Variants in CHD1L observed in about 807,000 individuals in gnomAD.
The protein encoded by CHD1L is chromodomain helicase DNA binding protein 1 like.
CHD1L carries 118 observed loss-of-function variants against 115.9 expected under a neutral mutation model. The ratio of observed to expected loss-of-function variants is 1.02; its 90% CI spans 0.88 to 1.19. The LOEUF (loss-of-function observed/expected upper bound fraction) is 1.19, where lower values mean the gene tolerates loss of function less well. Among genes scored for constraint, CHD1L ranks in the 50% most tolerant of loss-of-function variants. The pLI is 0.00. For missense variants in CHD1L, 1,179 were observed against 1,065.3 expected (o/e 1.11, Z -1.49); for synonymous variants, 411 against 387.1 (o/e 1.06, Z -0.72).
chr1:147,178,288 C>T, the CHD1L span: 6,085 of 1,613,300 alleles, frequency 3.8e-3, 190 homozygotes, highest in African/African-American at 0.069. Flanking sequence ...CTGGTGTGGA[C>T]ACTGCAAGAG....
chr1:147,178,524 G>A, the CHD1L span: 2 of 1,611,276 alleles, frequency 1.2e-6, no homozygotes, highest in South Asian at 1.1e-5. Flanking sequence ...CAGCTTCAGT[G>A]CCTCTCAGGA....
In CHD1L at chr1:147,289,539, G is replaced by A. The variant is rs782276439; in HGVS notation, c.2320+1806G>A. Reference sequence around the variant, plus strand: ...GACTTAAGGCCTGAGGGCTCAGGAAGGAAATGGAGATGAGAGTGTGCAGTT... The same window carrying A: ...GACTTAAGGCCTGAGGGCTCAGGAAAGAAATGGAGATGAGAGTGTGCAGTT... On this transcript the variant is annotated intron_variant, in intron 19 of 22. Coordinates refer to ENST00000369258, the MANE Select transcript of CHD1L (RefSeq NM_004284.6). Among the ~76,000 whole-genome samples the A allele has an allele frequency of 5.9e-4, 90 of 152,286 alleles. 1 individual carries two copies. Among genetic ancestry groups the A allele is most frequent in the Non-Finnish European group, 3.1e-4 (21 of 68,024 alleles).
At chr1:147,265,885 G>A (rs1249243888) in intron 7 of CHD1L, 47 bp from the exon 8 acceptor site, 1 of 1,553,292 alleles carries the variant, frequency 6.4e-7, no homozygotes, top group Non-Finnish European at 8.7e-7. Context: ...TCATTGCCTT[G>A]GTTCTACTTT....
chr1:147,283,656 T>G (rs1681846547), intron 15 of CHD1L, among the ~76,000 whole-genome samples: 1 of 152,218 alleles, frequency 6.6e-6, no homozygotes, highest in South Asian at 2.1e-4. Context: ...CACTATTGTC[T>G]TCATTGTTAT....
the CHD1L span, among the ~76,000 whole-genome samples, chr1:147,198,850 C>CAAAAAAAAAA: frequency 7.6e-4 from 39 of 51,650 alleles, no homozygotes; most frequent in Non-Finnish European, 8.4e-4. Flanking sequence ...GACTGCATCT[C>CAAAAAAAAAA]AAAAAAAAAA....
At chr1:147,277,710 G>C (rs74121883) in intron 14 of CHD1L, among the ~76,000 whole-genome samples, 2 of 152,158 alleles carry the variant, frequency 1.3e-5, no homozygotes, top group Non-Finnish European at 2.9e-5. Context: ...TGAGATGAAA[G>C]CTTGAGAGAG....
intron 10 of CHD1L, among the ~76,000 whole-genome samples, chr1:147,269,700 T>C (rs1553951442): frequency 1.3e-5 from 2 of 148,356 alleles, no homozygotes; most frequent in African/African-American, 5.0e-5. Flanking sequence ...CCAGGTTCAG[T>C]TAGTGTTCAA....
chr1:147,295,374 T>C lies in CHD1L; in HGVS notation c.2616-57T>C. On this transcript the variant is annotated intron_variant, in intron 22 of 22. Coordinates refer to ENST00000369258, the MANE Select transcript of CHD1L (RefSeq NM_004284.6). Reference sequence around the variant, plus strand: ...TCAATAATTACTAGAGAACTAGTCGTTTTGGTAAAGTTGGTTTAAAGTGAT... The same window carrying C: ...TCAATAATTACTAGAGAACTAGTCGCTTTGGTAAAGTTGGTTTAAAGTGAT... 3.4e-6 allele frequency: 4 copies of C among 1,165,578 alleles called. No homozygotes were observed. In the South Asian group the frequency reaches 5.0e-5, roughly 15 times the overall value. The allele number at this position is 1,165,578 out of a possible 1,614,324, so 72.2% of individuals were successfully genotyped here.
At chr1:147,199,484 AT>A in the CHD1L span, among the ~76,000 whole-genome samples, 1 of 152,082 alleles carries the variant, frequency 6.6e-6, no homozygotes, top group Non-Finnish European at 1.5e-5. Flanking sequence ...CTTTTTGTAC[AT>A]TTTCCCTAAG....
chr1:147,213,277 C>T, the CHD1L span: 67 of 1,579,508 alleles, frequency 4.2e-5, no homozygotes, highest in Non-Finnish European at 5.5e-5. Context: ...AGGCATGGGT[C>T]AAGGGTCTTC....
chr1:147,252,444 A>G (rs1668695361), intron 1 of CHD1L, among the ~76,000 whole-genome samples, 179 bp from the exon 2 acceptor site: 1 of 152,200 alleles, frequency 6.6e-6, no homozygotes, highest in African/African-American at 2.4e-5. Context: ...GTCTGCTCAA[A>G]AAGTAGTTTG....
intron 1 of CHD1L, among the ~76,000 whole-genome samples, chr1:147,244,980 C>T (rs1368374000): frequency 6.6e-6 from 1 of 152,086 alleles, no homozygotes; most frequent in African/African-American, 2.4e-5. Flanking sequence ...AATATGCTAT[C>T]GTATTGTTTA....
intron 6 of CHD1L, 175 bp downstream of exon 6, chr1:147,260,093 C>A: frequency 2.0e-6 from 1 of 489,966 alleles, no homozygotes; most frequent in South Asian, 3.3e-5. Flanking sequence ...TACAGCTTCA[C>A]CCATTATCAA....
In CHD1L at chr1:147,259,834, C is replaced by T. The variant is rs1553942704; in HGVS notation, c.495-3C>T. On this transcript the variant is annotated splice_polypyrimidine_tract_variant and splice_region_variant and intron_variant, in intron 5 of 22. Transcript: ENST00000369258. ...AACTGAAAGCTTGGGTTTTCTCTCA[C>T]AGATTCCCTTGGAGTGTTCTTGTTG... 1.2e-6 allele frequency: 2 copies of T among 1,611,628 alleles called. No homozygotes were observed. The highest frequency in any genetic ancestry group is 8.5e-7 in the Non-Finnish European group (1 of 1,178,782).
chr1:147,178,716 T>TG, the CHD1L span: 1 of 1,569,980 alleles, frequency 6.4e-7, no homozygotes. Flanking sequence ...ATAACGGAGA[T>TG]GGTATCATCT....
At chr1:147,228,829 T>A in the CHD1L span, among the ~76,000 whole-genome samples, 27 of 152,290 alleles carry the variant, frequency 1.8e-4, no homozygotes, top group South Asian at 5.4e-3. Flanking sequence ...GTCTCTTCAT[T>A]TCCTTTGCCC....
chr1:147,187,565 AT>A, the CHD1L span, among the ~76,000 whole-genome samples: 1 of 152,190 alleles, frequency 6.6e-6, no homozygotes, highest in Non-Finnish European at 1.5e-5. Flanking sequence ...AGGGGCAGGT[AT>A]AGCACATCTA....
At chr1:147,290,848 T>C (rs1685250113) in intron 19 of CHD1L, among the ~76,000 whole-genome samples, 1 of 151,970 alleles carries the variant, frequency 6.6e-6, no homozygotes, top group African/African-American at 2.4e-5. Flanking sequence ...GACTGGGTCT[T>C]GCGCCTTGTT....
chr1:147,294,104 C>T (rs587616941), intron 21 of CHD1L, among the ~76,000 whole-genome samples: 5 of 152,220 alleles, frequency 3.3e-5, no homozygotes, highest in South Asian at 4.1e-4. Flanking sequence ...AGTTTTGTTT[C>T]GAAACCTAGT....
Sources: gnomAD v4.1 joint callset for allele counts (sites outside exome capture counted in the v4.1 genomes callset) on GRCh38, gnomAD v4.1.1 for gene constraint, MANE v1.5 for transcripts, NCBI Gene and HGNC (gene_info 2026-07-23, HGNC 2026-07-21) for gene names.